RILPL1: variants seen among roughly 807,000 people sequenced by gnomAD.
RILPL1 encodes the protein RILP-like protein 1.
Under a neutral mutation model 50.3 loss-of-function variants are expected in RILPL1, and 33 were observed. The ratio of observed to expected loss-of-function variants is 0.66; its 90% confidence interval spans 0.50 to 0.88. RILPL1 has a LOEUF of 0.88. RILPL1 is among the 40% of genes least tolerant of loss of function. The pLI is 0.00. For missense variants in RILPL1, 418 were observed against 542.5 expected (o/e 0.77, Z 2.28); for synonymous variants, 205 against 228.6 (o/e 0.90, Z 0.93).
At chr12:123,521,585 GTATATATATATTAA>G (rs1566143980) in intron 2 of RILPL1, among the ~76,000 whole-genome samples, 3 of 36,226 alleles carry the variant, frequency 8.3e-5, no homozygotes, top group South Asian at 3.9e-3. Context: ...ACACATATGT[GTATATATATATTAA>G]TATATATACA....
chr12:123,479,113 CG>C (rs1566113257), intron 6 of RILPL1, among the ~76,000 whole-genome samples: 1 of 151,488 alleles, frequency 6.6e-6, no homozygotes, highest in African/African-American at 2.4e-5. Context: ...AAAATGGTGG[CG>C]GGGGTGGGAG....
chr12:123,482,971 C>A (rs1882097073), intron 6 of RILPL1, among the ~76,000 whole-genome samples: 1 of 152,184 alleles, frequency 6.6e-6, no homozygotes, highest in Non-Finnish European at 1.5e-5. Flanking sequence ...GCATTGTCTA[C>A]TCACAGGGCA....
Position 123,511,950 on chromosome 12 carries a change from G to C in RILPL1, c.460+11545C>G, listed in dbSNP as rs534863998. Among the ~76,000 whole-genome samples, 257 of 129,688 alleles carry C rather than the reference G, an allele frequency of 2.0e-3. 15 individuals are homozygous for C. The highest frequency in any genetic ancestry group is 7.7e-3 in the African/African-American group (235 of 30,398). 85.1% of individuals were successfully genotyped at this position (129,688 alleles called of 152,430 possible). ...TGTGGTGTGTGAGGTTTGTGTGTGT[G>C]TGTGGTGTGAGATCTGTGTGTGTGT... On this transcript the variant is annotated intron_variant, in intron 2 of 6. Coordinates refer to ENST00000376874, the MANE Select transcript of RILPL1 (RefSeq NM_178314.5).
chr12:123,472,758 G>T, intron 6 of RILPL1, 76 bp from the exon 7 acceptor site: 1 of 1,488,360 alleles, frequency 6.7e-7, no homozygotes, highest in Non-Finnish European at 9.1e-7. Context: ...CAATGCCGGA[G>T]ACATATAGCA....
chr12:123,491,705 C>A lies in RILPL1; in HGVS notation c.802-5900G>T, dbSNP rs893615326. On this transcript the variant is annotated intron_variant, in intron 4 of 6. Coordinates refer to ENST00000376874, the MANE Select transcript of RILPL1 (RefSeq NM_178314.5). The surrounding 1 kb of genome is among the most constrained non-coding windows in gnomAD (Gnocchi z 4.0). Reference sequence around the variant, plus strand: ...CGCACTTTACAAAACAAAAACAAAACCTGCTACGAAATCAAAACGTGTGGC... The same window carrying A: ...CGCACTTTACAAAACAAAAACAAAAACTGCTACGAAATCAAAACGTGTGGC... 1.3e-5 allele frequency among the ~76,000 whole-genome samples: 2 copies of A among 152,180 alleles called. No individual in the cohort carries two copies. The highest frequency in any genetic ancestry group is 2.9e-5 in the Non-Finnish European group (2 of 68,026).
intron 6 of RILPL1, among the ~76,000 whole-genome samples, chr12:123,482,324 C>G (rs141210478): frequency 1.3e-5 from 2 of 152,182 alleles, no homozygotes; most frequent in African/African-American, 4.8e-5. Flanking sequence ...CTAACCAGAA[C>G]TGGGGCCACA....
chr12:123,533,528 C>G lies in RILPL1; in HGVS notation c.-46G>C, dbSNP rs1282412051. 1 of 1,425,718 alleles carries G rather than the reference C, an allele frequency of 7.0e-7. No homozygotes were observed. Among genetic ancestry groups the G allele is most frequent in the Admixed American group, 2.3e-5 (1 of 43,474 alleles). 88.3% of individuals were successfully genotyped at this position (1,425,718 alleles called of 1,614,324 possible). A position where few individuals can be genotyped will look rare whatever the true frequency, so the allele number is the denominator to read the frequency against. On this transcript the variant is annotated 5_prime_UTR_variant, in exon 1 of 7. Transcript: ENST00000376874. This position sits in a 1 kb window ranked among gnomAD's most constrained non-coding sequence, Gnocchi z 6.2. ...CCCCGCCCCGCAAACTCGTGCAACT[C>G]CCAAACTTGCCGCTGTCGAGGGCCG...
intron 2 of RILPL1, among the ~76,000 whole-genome samples, chr12:123,500,902 T>C (rs1348712325): frequency 6.7e-6 from 1 of 149,412 alleles, no homozygotes; most frequent in Non-Finnish European, 1.5e-5. Context: ...GTCAGGAGTT[T>C]GAGACCAGCC....
At chr12:123,502,227 G>T (rs991611215) in intron 2 of RILPL1, among the ~76,000 whole-genome samples, 2 of 152,190 alleles carry the variant, frequency 1.3e-5, no homozygotes, top group Admixed American at 1.3e-4. Flanking sequence ...TTACATAATT[G>T]TTTTGAAATA....
intron 2 of RILPL1, among the ~76,000 whole-genome samples, chr12:123,508,203 G>A (rs958752571): frequency 6.6e-6 from 1 of 152,022 alleles, no homozygotes; most frequent in Non-Finnish European, 1.5e-5. Context: ...AGACCAACCT[G>A]GGCAAATAAT....
At chr12:123,480,840 TG>T (rs1204129277) in intron 6 of RILPL1, among the ~76,000 whole-genome samples, 1 of 152,162 alleles carries the variant, frequency 6.6e-6, no homozygotes, top group Non-Finnish European at 1.5e-5. Context: ...TGATATTGCT[TG>T]GGGACCCATC....
At position 123,522,389 on chromosome 12, in the gene RILPL1, G is replaced by A. The variant is rs1885100918; in HGVS notation, c.460+1106C>T. On this transcript the variant is annotated intron_variant, in intron 2 of 6. Coordinates refer to ENST00000376874, the MANE Select transcript of RILPL1 (RefSeq NM_178314.5). This position sits in a 1 kb window ranked among gnomAD's most constrained non-coding sequence, Gnocchi z 4.0. ...GAAGGTTCTAAACAAGTGCTTATTGGATAAGTGACAGTTCAGGGGCTCCAG... is the reference window on the plus strand; with the variant it reads ...GAAGGTTCTAAACAAGTGCTTATTGAATAAGTGACAGTTCAGGGGCTCCAG... 6.6e-6 allele frequency among the ~76,000 whole-genome samples: 1 copy of A among 152,204 alleles called. No homozygotes were observed. Among genetic ancestry groups the A allele is most frequent in the Non-Finnish European group, 1.5e-5 (1 of 68,044 alleles).
At chr12:123,516,317 C>T (rs1884692860) in intron 2 of RILPL1, among the ~76,000 whole-genome samples, 1 of 152,238 alleles carries the variant, frequency 6.6e-6, no homozygotes, top group Non-Finnish European at 1.5e-5. Context: ...GGCTGGCAGG[C>T]TCTGCACTAG....
chr12:123,472,144 C>T lies in RILPL1; in HGVS notation c.*394G>A. 1 of 183,462 alleles carries T rather than the reference C, an allele frequency of 5.5e-6. No homozygotes were observed. Among genetic ancestry groups the T allele is most frequent in the Non-Finnish European group, 1.2e-5 (1 of 86,046 alleles). 11.4% of individuals were successfully genotyped at this position (183,462 alleles called of 1,614,324 possible). A position where few individuals can be genotyped will look rare whatever the true frequency, so the allele number is the denominator to read the frequency against. Reference sequence around the variant, plus strand: ...CATGCCTCCTGCTGAACTATGTCACCTGTGATAATAAAACCTCTACACATA... The same window carrying T: ...CATGCCTCCTGCTGAACTATGTCACTTGTGATAATAAAACCTCTACACATA... On this transcript the variant is annotated 3_prime_UTR_variant, in exon 7 of 7. Coordinates refer to ENST00000376874, the MANE Select transcript of RILPL1 (RefSeq NM_178314.5).
chr12:123,523,759 C>T, intron 1 of RILPL1, 114 bp from the exon 2 acceptor site: 11 of 1,254,482 alleles, frequency 8.8e-6, no homozygotes, highest in East Asian at 5.1e-5. Context: ...TCCCCTTCCT[C>T]GTGAGAACTG....
chr12:123,498,448 G>T lies in RILPL1; in HGVS notation c.801+96C>A. On this transcript the variant is annotated intron_variant, in intron 4 of 6. Coordinates refer to ENST00000376874, the MANE Select transcript of RILPL1 (RefSeq NM_178314.5). The surrounding 1 kb of genome is among the most constrained non-coding windows in gnomAD (Gnocchi z 4.3). ...ATGTTGCCCAGGTTGGCCATTTTCT[G>T]AAGTATAATGGGGAAAACAAGGCAA... The T allele has an allele frequency of 8.8e-7, 1 of 1,130,820 alleles. No individual in the cohort carries two copies. Among genetic ancestry groups the T allele is most frequent in the Non-Finnish European group, 1.3e-6 (1 of 776,220 alleles). The allele number at this position is 1,130,820 out of a possible 1,614,324, so 70.0% of individuals were successfully genotyped here.
At chr12:123,484,650 CTT>C (rs61080090) in intron 5 of RILPL1, among the ~76,000 whole-genome samples, 6,655 of 110,112 alleles carry the variant, frequency 0.06, 237 homozygotes, top group African/African-American at 0.16. Context: ...ACTCTCCCAT[CTT>C]TTTTTTTTTT....
chr12:123,531,380 G>T (rs144827522), intron 1 of RILPL1, among the ~76,000 whole-genome samples: 67 of 152,212 alleles, frequency 4.4e-4, no homozygotes, highest in African/African-American at 1.6e-3. Flanking sequence ...CAGCTCCCCC[G>T]CAACAGAACT....
At chr12:123,523,430 C>A in intron 2 of RILPL1, 65 bp downstream of exon 2, 2 of 1,594,952 alleles carry the variant, frequency 1.3e-6, no homozygotes, top group Admixed American at 1.7e-5. Context: ...TGGCGACAAT[C>A]GCTGATGTGG....
Sources: gnomAD v4.1 joint callset for allele counts (sites outside exome capture counted in the v4.1 genomes callset) on GRCh38, gnomAD v4.1.1 for gene constraint, Gnocchi (gnomAD v3.1) non-coding constraint, MANE v1.5 for transcripts, NCBI Gene and HGNC (gene_info 2026-07-23, HGNC 2026-07-21) for gene names.